The following PPM1F variants were observed in gnomAD, a reference collection of about 807,000 sequenced individuals.
The protein encoded by PPM1F is protein phosphatase 1F.
Under a neutral mutation model 35.5 loss-of-function variants are expected in PPM1F, and 17 were observed. The observed-to-expected ratio is 0.48, with a 90% CI of 0.33 to 0.72. The LOEUF (loss-of-function observed/expected upper bound fraction) is 0.72. PPM1F is among the 30% of genes least tolerant of loss of function. The probability of loss-of-function intolerance (pLI) is 0.02; values close to 1 mark genes in which losing one functional copy is unlikely to be tolerated. For missense variants in PPM1F, 521 were observed against 613.0 expected (o/e 0.85, Z 1.59); for synonymous variants, 241 against 255.5 (o/e 0.94, Z 0.54).
In PPM1F at chr22:21,945,862, T is replaced by C. The variant is rs376410604; in HGVS notation, c.187A>G (p.Met63Val). The C allele has an allele frequency of 1.2e-5, 19 of 1,611,054 alleles. No homozygotes were observed. Among genetic ancestry groups the C allele is most frequent in the African/African-American group, 1.3e-5 (1 of 75,000 alleles). The change falls in exon 2 of 8, where the codon ATG becomes GTG. Residue 63 changes from methionine to valine, a missense_variant. This residue lies in a region of PPM1F where 311 missense variants were observed against 351.5 expected (regional missense o/e 0.88). Transcript: ENST00000263212. ...GCCTACCTGCTGCCCAGAAAGCCCATGGCCAGCTCAGCCAGCTCGCCCTCC... is the reference window on the plus strand; with the variant it reads ...GCCTACCTGCTGCCCAGAAAGCCCACGGCCAGCTCAGCCAGCTCGCCCTCC... ...EVEGELAELA[M>V]GFLGSRKAPP...
At position 21,922,236 on chromosome 22, in the gene PPM1F, G is replaced by T. The variant is rs1034199825; in HGVS notation, c.*856C>A. 2 of 152,516 alleles carry T rather than the reference G, an allele frequency of 1.3e-5. No homozygotes were observed. The highest frequency in any genetic ancestry group is 2.9e-5 in the Non-Finnish European group (2 of 68,022). The allele number at this position is 152,516 out of a possible 1,614,324, so 9.4% of individuals were successfully genotyped here. A position where few individuals can be genotyped will look rare whatever the true frequency, so the allele number is the denominator to read the frequency against. ...AAATTCAATAATACTGCAAAAAAAG[G>T]TTCCTTGAAAAATAGCTTTAAAAAA... On this transcript the variant is annotated 3_prime_UTR_variant, in exon 8 of 8. Transcript: ENST00000263212.
chr22:21,923,130 G>A lies in PPM1F; in HGVS notation c.1327C>T (p.Leu443Phe). 1 of 1,612,666 alleles carries A rather than the reference G, an allele frequency of 6.2e-7. No individual in the cohort carries two copies. The highest frequency in any genetic ancestry group is 1.7e-5 in the Admixed American group (1 of 59,860). The change falls in exon 8 of 8, where the codon CTT (leucine) becomes TTT (phenylalanine). Residue 443 changes from leucine to phenylalanine, a missense_variant. Physicochemically the swap from Leu to Phe is conservative, Grantham distance 22 (BLOSUM62 0). Coordinates refer to ENST00000263212, the MANE Select transcript of PPM1F (RefSeq NM_014634.4). ...GGAGCCTGGGTCTCAGGTTCTGGAA[G>A]GCTGGAGGGCAAGTCCTGCCTCCTC... ...EGRRQDLPSSLPEPETQAPPR... is the reference protein window; with the variant it reads ...EGRRQDLPSSFPEPETQAPPR...
At chr22:21,925,003 T>G (rs1489448249) in intron 7 of PPM1F, 1 of 154,486 alleles carries the variant, frequency 6.5e-6, no homozygotes. Context: ...GTTCAAGTGA[T>G]TCTCCTGCCT....
At chr22:21,931,389 C>T (rs890149914) in intron 5 of PPM1F, 98 bp from the exon 6 acceptor site, 6 of 1,224,602 alleles carry the variant, frequency 4.9e-6, no homozygotes, top group African/African-American at 1.5e-5. Flanking sequence ...TGAATACTTC[C>T]GTTACTGTGG....
intron 4 of PPM1F, 129 bp from the exon 5 acceptor site, chr22:21,933,708 T>G: frequency 1.2e-6 from 1 of 850,886 alleles, no homozygotes; most frequent in Non-Finnish European, 1.8e-6. Flanking sequence ...TATGTGCGTA[T>G]GAGGGGGTAG....
In PPM1F at chr22:21,931,131, C is replaced by T. The variant is rs565529493; in HGVS notation, c.891+17G>A. The T allele has an allele frequency of 2.4e-4, 395 of 1,613,494 alleles. 2 individuals are homozygous for T. In the South Asian group the frequency reaches 3.6e-3, roughly 15 times the overall value. Reference sequence around the variant, plus strand: ...AGGCCAGGAATATCCTGGGCCTGGGCGCAGGGATCCCCTTACCTGCCGTTC... The same window carrying T: ...AGGCCAGGAATATCCTGGGCCTGGGTGCAGGGATCCCCTTACCTGCCGTTC... On this transcript the variant is annotated intron_variant, in intron 6 of 7. Transcript: ENST00000263212.
At chr22:21,925,482 T>C (rs1016460835) in intron 7 of PPM1F, 87 bp downstream of exon 7, 2 of 1,141,250 alleles carry the variant, frequency 1.8e-6, no homozygotes, top group Non-Finnish European at 1.3e-6. Context: ...ACTGCCTCCC[T>C]GAACCCCTGG....
At chr22:21,948,546 G>A (rs1255928265) in intron 1 of PPM1F, 1 of 152,248 alleles carries the variant, frequency 6.6e-6, no homozygotes, top group African/African-American at 2.4e-5. Context: ...CAGCAAGCTT[G>A]GCTGCCCTCA....
rs1051794839 is a variant in PPM1F at position 21,946,034 on chromosome 22, G to A, written c.15C>T (p.Ala5=). Residue 5 remains alanine (A), a synonymous_variant, in exon 2 of 8, where the codon GCC becomes GCT. Coordinates refer to ENST00000263212, the MANE Select transcript of PPM1F (RefSeq NM_014634.4). MSSG[A]PQKSSPMASG... ...TGGCCATTGGGCTGCTCTTCTGTGGGGCTCCAGAGGACATGCCCAAAGCAT... is the reference window on the plus strand; with the variant it reads ...TGGCCATTGGGCTGCTCTTCTGTGGAGCTCCAGAGGACATGCCCAAAGCAT... 6.5e-7 allele frequency: 1 copy of A among 1,546,200 alleles called. No individual in the cohort carries two copies. Among genetic ancestry groups the A allele is most frequent in the African/African-American group, 1.4e-5 (1 of 72,592 alleles).
At chr22:21,938,420 G>C in intron 3 of PPM1F, 1 of 1,158,096 alleles carries the variant, frequency 8.6e-7, no homozygotes, top group Non-Finnish European at 1.1e-6. Flanking sequence ...GGGAATGCGG[G>C]CAGGGAGCCA....
At chr22:21,942,890 A>T (rs1264927568) in intron 2 of PPM1F, 1 of 152,458 alleles carries the variant, frequency 6.6e-6, no homozygotes, top group East Asian at 1.9e-4. Context: ...GCCAAGGTGT[A>T]TGCAAGGCCC....
Position 21,934,102 on chromosome 22 carries a change from G to A in PPM1F, c.480C>T (p.His160=). The change falls in exon 4 of 8, where the codon CAC becomes CAT. Residue 160 remains histidine (H), a synonymous_variant. Coordinates refer to ENST00000263212, the MANE Select transcript of PPM1F (RefSeq NM_014634.4). The part of the protein sequence containing the change: ...ASQRQWLVSI[H]AIRNTRRKME... ...TCTTGCGGCGAGTGTTCCGGATGGCGTGGATGGAGACCAGCCACTGCCGCT... is the reference window on the plus strand; with the variant it reads ...TCTTGCGGCGAGTGTTCCGGATGGCATGGATGGAGACCAGCCACTGCCGCT... The A allele has an allele frequency of 6.4e-6, 10 of 1,563,846 alleles. No homozygotes were observed. The highest frequency in any genetic ancestry group is 1.4e-5 in the African/African-American group (1 of 73,932).
chr22:21,925,729 C>T, intron 6 of PPM1F, 67 bp from the exon 7 acceptor site: 1 of 1,318,292 alleles, frequency 7.6e-7, no homozygotes, highest in Non-Finnish European at 1.0e-6. Context: ...CCTGCTGCTA[C>T]CTGAGCAGAG....
chr22:21,950,139 T>A (rs958692223), intron 1 of PPM1F: 1 of 152,292 alleles, frequency 6.6e-6, no homozygotes, highest in Admixed American at 6.5e-5. Context: ...ACTCCTTCTA[T>A]CCCTGACCTG....
rs1286798664 is a variant in PPM1F, at chr22:21,934,262, C to T, written c.356-36G>A. 2.6e-6 allele frequency: 4 copies of T among 1,523,106 alleles called. No individual in the cohort carries two copies. In the African/African-American group the frequency reaches 5.5e-5, roughly 21 times the overall value. 94.3% of individuals were successfully genotyped at this position (1,523,106 alleles called of 1,614,324 possible). ...CAATGGAGGGATTGTCAGGGAAGTGCCAACCAAGCCAGCTGAGGCCTCGCT... is the reference window on the plus strand; with the variant it reads ...CAATGGAGGGATTGTCAGGGAAGTGTCAACCAAGCCAGCTGAGGCCTCGCT... On this transcript the variant is annotated intron_variant, in intron 3 of 7. Transcript: ENST00000263212.
At chr22:21,924,309 C>A (rs1262688866) in intron 7 of PPM1F, among the ~76,000 whole-genome samples, 1 of 151,456 alleles carries the variant, frequency 6.6e-6, no homozygotes, top group Non-Finnish European at 1.5e-5. Context: ...CTCTTGTCGC[C>A]CAGGCTGCAG....
intron 2 of PPM1F, chr22:21,942,288 G>C (rs1424468581): frequency 7.2e-6 from 1 of 139,272 alleles, no homozygotes; most frequent in Non-Finnish European, 1.5e-5. Context: ...TTTTTTTTCT[G>C]AGACGGAGTT....
chr22:21,947,009 T>C (rs777461439), intron 1 of PPM1F: 5 of 152,146 alleles, frequency 3.3e-5, no homozygotes, highest in Non-Finnish European at 5.9e-5. Context: ...AGAGGGTTAG[T>C]CCCTCGCCTG....
chr22:21,948,298 G>GCCCCCCCCCC (rs1238368224), intron 1 of PPM1F: 2 of 106,872 alleles, frequency 1.9e-5, no homozygotes, highest in Admixed American at 1.0e-4. Flanking sequence ...CAGTGAGATC[G>GCCCCCCCCCC]CCACCCCCCC....
Sources: allele counts gnomAD v4.1 joint callset (sites outside exome capture counted in the v4.1 genomes callset), GRCh38; gene constraint gnomAD v4.1.1; regional missense constraint gnomAD v4.1.1; transcripts MANE v1.5; gene names NCBI Gene and HGNC (gene_info 2026-07-23, HGNC 2026-07-21).